Variants in UNC45B observed in about 807,000 individuals in gnomAD.
UNC45B encodes the protein protein unc-45 homolog B.
UNC45B carries 78 observed loss-of-function variants against 98.7 expected under a neutral mutation model. The observed-to-expected ratio is 0.79, with a 90% CI of 0.66 to 0.95. UNC45B has a LOEUF of 0.95. Ranked by LOEUF, UNC45B falls within the 40% of genes least tolerant of loss-of-function variation. The pLI is 0.00. For synonymous variants in UNC45B, 462 were observed against 480.4 expected (o/e 0.96, Z 0.50); for missense variants, 1,225 against 1,184.9 (o/e 1.03, Z -0.50).
chr17:35,148,226 G>A, intron 1 of UNC45B, 38 bp from the exon 2 acceptor site: 1 of 1,611,522 alleles, frequency 6.2e-7, no homozygotes, highest in Non-Finnish European at 8.5e-7. Flanking sequence ...GGTCTGCAGT[G>A]AGGGGCTGAC....
Position 35,164,120 on chromosome 17 carries a change from G to A in UNC45B, c.1105G>A (p.Asp369Asn). The change falls in exon 9 of 20, where the codon GAC (aspartate) becomes AAC (asparagine). Residue 369 changes from aspartate (D) to asparagine (N), a missense_variant. Transcript: ENST00000394570. ...INKLYDDLRC[D>N]PERDHFRKIC... is the part of the protein sequence containing the mutation. ...CAAGCTCTATGATGACCTGCGCTGT[G>A]ACCCGGAGCGCGATCACTTCCGCAA... The A allele has an allele frequency of 6.2e-7, 1 of 1,613,692 alleles. No individual in the cohort carries two copies. The highest frequency in any genetic ancestry group is 1.3e-5 in the African/African-American group (1 of 74,998).
Position 35,183,581 on chromosome 17 carries a change from T to C in UNC45B, c.2528T>C (p.Val843Ala). 16 of 1,548,512 alleles carry C rather than the reference T, an allele frequency of 1.0e-5. No individual in the cohort carries two copies. Among genetic ancestry groups the C allele is most frequent in the Non-Finnish European group, 1.3e-5 (15 of 1,145,876 alleles). ...AAACTGTGCCTCAAGATGACTCAAGTGGTAAGAGCTGGCCCTGGGGATAGG... is the reference window on the plus strand; with the variant it reads ...AAACTGTGCCTCAAGATGACTCAAGCGGTAAGAGCTGGCCCTGGGGATAGG... ...HKKLCLKMTQ[V>A]TTQWLEILQR... is the part of the protein sequence containing the mutation. Residue 843 changes from valine (V) to alanine (A), a missense_variant and splice_region_variant, in exon 19 of 20, where the codon GTG becomes GCG. Transcript: ENST00000394570.
chr17:35,171,395 A>T lies in UNC45B; in HGVS notation c.1763A>T (p.Glu588Val). The T allele has an allele frequency of 6.2e-7, 1 of 1,614,178 alleles. No homozygotes were observed. Among genetic ancestry groups the T allele is most frequent in the Non-Finnish European group, 8.5e-7 (1 of 1,180,024 alleles). Residue 588 changes from glutamate to valine, a missense_variant, in exon 13 of 20, where the codon GAG becomes GTG. Glu to Val is a moderately radical substitution (Grantham distance 121). Coordinates refer to ENST00000394570, the MANE Select transcript of UNC45B (RefSeq NM_001267052.2). Reference sequence around the variant, plus strand: ...TGCACCAACAGCTACGATGTCAAGGAGGTCATCCCAGAGCTTGTCCAGCTC... The same window carrying T: ...TGCACCAACAGCTACGATGTCAAGGTGGTCATCCCAGAGCTTGTCCAGCTC... The part of the protein sequence containing the change: ...VNCTNSYDVK[E>V]VIPELVQLAK...
chr17:35,178,421 G>A (rs2067987005), intron 17 of UNC45B, among the ~76,000 whole-genome samples: 1 of 151,930 alleles, frequency 6.6e-6, no homozygotes, highest in South Asian at 2.1e-4. Context: ...TAAGTTCTTT[G>A]TAGATTCTGG....
intron 2 of UNC45B, 100 bp from the exon 3 acceptor site, chr17:35,148,872 TC>T: frequency 7.0e-7 from 1 of 1,438,008 alleles, no homozygotes. Context: ...AGCCTGCAGC[TC>T]CCCCAGGAAA....
chr17:35,180,714 CA>C, intron 18 of UNC45B, 38 bp downstream of exon 18: 1 of 1,556,964 alleles, frequency 6.4e-7, no homozygotes, highest in South Asian at 1.1e-5. Flanking sequence ...CGGGCGTGAT[CA>C]AGGCACGAGA....
Position 35,186,667 on chromosome 17 carries a change from G to C in UNC45B, c.*108G>C. On this transcript the variant is annotated 3_prime_UTR_variant, in exon 20 of 20. Coordinates refer to ENST00000394570, the MANE Select transcript of UNC45B (RefSeq NM_001267052.2). ...ATCTAGGGATCATAGCAGTGACAAT[G>C]AAGTCTCAATATAAAGGAAAGACTT... 7.7e-7 allele frequency: 1 copy of C among 1,294,506 alleles called. No individual in the cohort carries two copies. Among genetic ancestry groups the C allele is most frequent in the Non-Finnish European group, 1.1e-6 (1 of 937,808 alleles). 80.2% of individuals were successfully genotyped at this position (1,294,506 alleles called of 1,614,324 possible).
intron 5 of UNC45B, among the ~76,000 whole-genome samples, chr17:35,154,304 A>G (rs545208395): frequency 2.6e-5 from 4 of 152,336 alleles, no homozygotes; most frequent in South Asian, 2.1e-4. Context: ...CTGCATACCA[A>G]TGCTTTTTCC....
rs112484488 is a variant in UNC45B at position 35,168,327 on chromosome 17, C to T, written c.1418C>T (p.Thr473Ile). ...CTGCTCAAACAGATCTACAAGACCA[C>T]CAAAAATGAGAAGATCAAGATCCGC... ...VSLLKQIYKT[T>I]KNEKIKIRTL... Residue 473 changes from threonine (T) to isoleucine (I), a missense_variant, in exon 10 of 20, where the codon ACC becomes ATC. Transcript: ENST00000394570. 8 of 1,378,588 alleles carry T rather than the reference C, an allele frequency of 5.8e-6. No individual in the cohort carries two copies. In the East Asian group the frequency reaches 8.1e-5, roughly 14 times the overall value. The allele number at this position is 1,378,588 out of a possible 1,614,324, so 85.4% of individuals were successfully genotyped here.
At chr17:35,179,764 G>C (rs2092260949) in intron 17 of UNC45B, among the ~76,000 whole-genome samples, 1 of 152,088 alleles carries the variant, frequency 6.6e-6, no homozygotes, top group East Asian at 1.9e-4. Flanking sequence ...GTGGGGAGCT[G>C]GGGGAGGGAT....
intron 14 of UNC45B, among the ~76,000 whole-genome samples, chr17:35,175,032 G>GGA (rs777959487): frequency 1.6e-5 from 1 of 62,498 alleles, no homozygotes; most frequent in African/African-American, 8.3e-5. Flanking sequence ...GAAGGAGAGA[G>GGA]AGGAAAGAAG....
intron 17 of UNC45B, among the ~76,000 whole-genome samples, chr17:35,179,023 G>A (rs917644294): frequency 8.5e-5 from 13 of 152,306 alleles, no homozygotes; most frequent in African/African-American, 2.9e-4. Context: ...GCTTAGGGTT[G>A]TCTTGGCTAT....
chr17:35,169,886 A>G lies in UNC45B; in HGVS notation c.1502A>G (p.Gln501Arg). The change falls in exon 11 of 20, where the codon CAG becomes CGG. Residue 501 changes from glutamine (Q) to arginine (R), a missense_variant. Gln to Arg is a conservative substitution (Grantham distance 43). Transcript: ENST00000394570. ...GGTGGCACAGACTACGGTCTCAGGC[A>G]GTTTGCGGAAGGGTCGACAGAAAAA... ...SAGGTDYGLRQFAEGSTEKLA... is the reference protein window; with the variant it reads ...SAGGTDYGLRRFAEGSTEKLA... The G allele has an allele frequency of 1.9e-6, 3 of 1,614,178 alleles. No individual in the cohort carries two copies. The highest frequency in any genetic ancestry group is 2.5e-6 in the Non-Finnish European group (3 of 1,180,032).
chr17:35,184,579 T>C (rs1417339532), intron 19 of UNC45B, among the ~76,000 whole-genome samples: 1 of 152,182 alleles, frequency 6.6e-6, no homozygotes, highest in Non-Finnish European at 1.5e-5. Context: ...CCTAAGTGTT[T>C]ACATTTATTA....
At chr17:35,158,817 C>T (rs550692431) in intron 7 of UNC45B, among the ~76,000 whole-genome samples, 6 of 152,102 alleles carry the variant, frequency 3.9e-5, no homozygotes, top group Non-Finnish European at 8.8e-5. Flanking sequence ...TTTTGGTTTG[C>T]CTGCCTTTGG....
rs571095487 is a variant in UNC45B, at chr17:35,170,314, A to G, written c.1689+59A>G. On this transcript the variant is annotated intron_variant, in intron 12 of 19. Coordinates refer to ENST00000394570, the MANE Select transcript of UNC45B (RefSeq NM_001267052.2). ...CTCAGGAAAGGTCTGCTGGGTCCAGACCCACAGGGAATGGATCCCAGTCTT... is the reference window on the plus strand; with the variant it reads ...CTCAGGAAAGGTCTGCTGGGTCCAGGCCCACAGGGAATGGATCCCAGTCTT... The G allele has an allele frequency of 7.4e-6, 11 of 1,491,824 alleles. No individual in the cohort carries two copies. The Admixed American group carries it at 1.3e-4, about 18-fold the overall frequency. 92.4% of individuals were successfully genotyped at this position (1,491,824 alleles called of 1,614,324 possible).
At chr17:35,150,325 T>TG in intron 4 of UNC45B, 102 bp downstream of exon 4, 1 of 1,286,748 alleles carries the variant, frequency 7.8e-7, no homozygotes, top group Non-Finnish European at 1.1e-6. Flanking sequence ...GGGCTAGCCC[T>TG]ACCTCCACAC....
chr17:35,164,250 C>T (rs2092123262), intron 9 of UNC45B, 84 bp downstream of exon 9: 2 of 1,454,704 alleles, frequency 1.4e-6, no homozygotes, highest in Non-Finnish European at 1.8e-6. Context: ...AATTTAGCAG[C>T]TCAAACAATA....
intron 7 of UNC45B, among the ~76,000 whole-genome samples, chr17:35,158,092 T>G (rs1283393371): frequency 6.6e-6 from 1 of 152,158 alleles, no homozygotes; most frequent in Non-Finnish European, 1.5e-5. Flanking sequence ...CCCAGGCTGG[T>G]CTCAAACCCC....
Sources: gnomAD v4.1 joint callset for allele counts (sites outside exome capture counted in the v4.1 genomes callset) on GRCh38, gnomAD v4.1.1 for gene constraint, MANE v1.5 for transcripts, NCBI Gene and HGNC (gene_info 2026-07-23, HGNC 2026-07-21) for gene names.